Variants in MCC observed in about 807,000 individuals in gnomAD.
MCC encodes the protein colorectal mutant cancer protein.
MCC carries 90 observed loss-of-function variants against 116.2 expected under a neutral mutation model. The observed-to-expected ratio is 0.77, with a 90% CI of 0.65 to 0.92. MCC has a LOEUF of 0.92. MCC is among the 40% of genes least tolerant of loss of function. The pLI is 0.00. For missense variants in MCC, 1,516 were observed against 1,312.2 expected (o/e 1.16, Z -2.40); for synonymous variants, 578 against 510.5 (o/e 1.13, Z -1.78).
Position 113,434,968 on chromosome 5 carries a change from C to T in MCC, c.171-49756G>A, listed in dbSNP as rs1487131454. 4 of 1,167,660 alleles carry T rather than the reference C, an allele frequency of 3.4e-6. No individual in the cohort carries two copies. The highest frequency in any genetic ancestry group is 1.6e-5 in the South Asian group (1 of 61,668). The allele number at this position is 1,167,660 out of a possible 1,614,324, so 72.3% of individuals were successfully genotyped here. A position where few individuals can be genotyped will look rare whatever the true frequency, so the allele number is the denominator to read the frequency against. On this transcript the variant is annotated intron_variant, in intron 1 of 18. Coordinates refer to ENST00000408903, the MANE Select transcript of MCC (RefSeq NM_001085377.2). The surrounding 1 kb of genome is among the most constrained non-coding windows in gnomAD (Gnocchi z 4.2). ...TGGCCAGGCCTGCTGTTCCTGCCTC[C>T]TAGAGGCCAAGACTCTGGAGTGGAA... is the stretch of plus-strand genomic sequence containing the variant.
chr5:113,447,896 G>C (rs185709308), intron 1 of MCC, among the ~76,000 whole-genome samples: 1 of 152,046 alleles, frequency 6.6e-6, no homozygotes, highest in African/African-American at 2.4e-5. Flanking sequence ...CTCATTCTTG[G>C]GCAGTCACTG....
intron 1 of MCC, among the ~76,000 whole-genome samples, chr5:113,405,642 A>G (rs980197396): frequency 3.3e-5 from 5 of 151,324 alleles, no homozygotes; most frequent in Admixed American, 3.3e-4. Flanking sequence ...GATCTCTACA[A>G]TTTTCTTTTT....
chr5:113,197,764 A>G (rs1375679731), intron 3 of MCC, among the ~76,000 whole-genome samples: 2 of 152,226 alleles, frequency 1.3e-5, no homozygotes, highest in Non-Finnish European at 2.9e-5. Context: ...GAAGAAAAGG[A>G]GGCAGGGCAT....
At chr5:113,059,749 G>A (rs1410331570) in intron 14 of MCC, among the ~76,000 whole-genome samples, 1 of 152,238 alleles carries the variant, frequency 6.6e-6, no homozygotes, top group Non-Finnish European at 1.5e-5. Flanking sequence ...CTCTGCATCT[G>A]TTCATTGCCA....
chr5:113,084,171 A>T lies in MCC; in HGVS notation c.1565T>A (p.Leu522Gln), dbSNP rs771594991. The part of the protein sequence containing the change: ...PIAKIAERVK[L>Q]SKTRSESSSS... ...TGACGATTCGGACCTTGTCTTTGAT[A>T]GCTTCACCCTCTCAGCAATCTTAAA... The change falls in exon 10 of 19, where the codon CTA becomes CAA. Residue 522 changes from leucine to glutamine, a missense_variant. Coordinates refer to ENST00000408903, the MANE Select transcript of MCC (RefSeq NM_001085377.2). The T allele has an allele frequency of 6.2e-7, 1 of 1,614,156 alleles. No individual in the cohort carries two copies. The highest frequency in any genetic ancestry group is 1.1e-5 in the South Asian group (1 of 91,084).
chr5:113,344,613 G>A (rs1017424294), intron 2 of MCC, among the ~76,000 whole-genome samples: 1 of 151,844 alleles, frequency 6.6e-6, no homozygotes, highest in African/African-American at 2.4e-5. Flanking sequence ...TAACAGGACA[G>A]GGCACCAGGC....
At chr5:113,115,097 T>G (rs1238411532) in intron 6 of MCC, among the ~76,000 whole-genome samples, 1 of 151,972 alleles carries the variant, frequency 6.6e-6, no homozygotes, top group African/African-American at 2.4e-5. Context: ...TCACAGATCC[T>G]CCCCCCTGAG....
rs184250768 is a variant in MCC, at chr5:113,188,251, G to C, written c.628-36829C>G. Among the ~76,000 whole-genome samples the C allele has an allele frequency of 4.1e-4, 62 of 152,242 alleles. 2 individuals carry two copies. The highest frequency in any genetic ancestry group is 1.2e-3 in the African/African-American group (50 of 41,536). On this transcript the variant is annotated intron_variant, in intron 3 of 18. Transcript: ENST00000408903. ...TACAAATTCATCACAACCATGATTGGATACTGTCAAGCTTCACAAAAAGAC... is the reference window on the plus strand; with the variant it reads ...TACAAATTCATCACAACCATGATTGCATACTGTCAAGCTTCACAAAAAGAC...
intron 3 of MCC, among the ~76,000 whole-genome samples, chr5:113,250,197 G>A (rs1015494472): frequency 6.6e-6 from 1 of 152,188 alleles, no homozygotes; most frequent in East Asian, 1.9e-4. Flanking sequence ...AGGGCACTCT[G>A]TCATTATCTC....
chr5:113,258,129 A>G (rs576997799), intron 3 of MCC, among the ~76,000 whole-genome samples: 1 of 152,330 alleles, frequency 6.6e-6, no homozygotes, highest in East Asian at 1.9e-4. Context: ...CAGTGAGCAC[A>G]TTGCAAGGGG....
In MCC at chr5:113,372,021, C is replaced by T. The variant is rs192453219; in HGVS notation, c.415+12947G>A. 7.9e-5 allele frequency among the ~76,000 whole-genome samples: 12 copies of T among 152,300 alleles called. No individual in the cohort carries two copies. In the East Asian group the frequency reaches 2.3e-3, roughly 29 times the overall value. On this transcript the variant is annotated intron_variant, in intron 2 of 18. Coordinates refer to ENST00000408903, the MANE Select transcript of MCC (RefSeq NM_001085377.2). ...GCCACAGAAATTGGAATGGCTTCAA[C>T]ATCCCATAAAAACAATGACACTTAA...
At chr5:113,077,658 T>C (rs564763560) in intron 11 of MCC, among the ~76,000 whole-genome samples, 2 of 152,106 alleles carry the variant, frequency 1.3e-5, no homozygotes, top group Admixed American at 1.3e-4. Context: ...TTTAAAGCAG[T>C]GTGTAGAGGG....
At chr5:113,337,894 A>G (rs915423014) in intron 3 of MCC, among the ~76,000 whole-genome samples, 5 of 152,216 alleles carry the variant, frequency 3.3e-5, no homozygotes, top group Admixed American at 3.3e-4. Context: ...ATCGGGCTCT[A>G]CAGACCCTTC....
At chr5:113,469,234 G>A (rs1772008269) in intron 1 of MCC, among the ~76,000 whole-genome samples, 1 of 152,086 alleles carries the variant, frequency 6.6e-6, no homozygotes, top group South Asian at 2.1e-4. Flanking sequence ...GCTTTTGAAT[G>A]TGTTTGCTCT....
At chr5:113,045,144 A>T (rs1751986655) in intron 16 of MCC, among the ~76,000 whole-genome samples, 1 of 152,192 alleles carries the variant, frequency 6.6e-6, no homozygotes, top group South Asian at 2.1e-4. Context: ...ATTTGATGTT[A>T]ACATTTCGTG....
intron 1 of MCC, among the ~76,000 whole-genome samples, chr5:113,466,769 A>C (rs1234654702): frequency 6.6e-6 from 1 of 152,136 alleles, no homozygotes; most frequent in Non-Finnish European, 1.5e-5. Context: ...ACTGACTTCC[A>C]CAATGGTTGA....
At chr5:113,486,629 G>T (rs1040434228) in intron 1 of MCC, among the ~76,000 whole-genome samples, 19 of 152,062 alleles carry the variant, frequency 1.2e-4, no homozygotes, top group Non-Finnish European at 2.4e-4. Flanking sequence ...GGATCACTTA[G>T]GGTCAGGAAT....
intron 3 of MCC, among the ~76,000 whole-genome samples, chr5:113,319,303 T>C (rs928785952): frequency 6.6e-6 from 1 of 152,230 alleles, no homozygotes; most frequent in African/African-American, 2.4e-5. Flanking sequence ...CTTTTCCTTG[T>C]AAAGAGAGCT....
intron 1 of MCC, among the ~76,000 whole-genome samples, chr5:113,426,810 C>G (rs929648517): frequency 1.3e-5 from 2 of 152,168 alleles, no homozygotes; most frequent in South Asian, 4.1e-4. Flanking sequence ...TAATTGGAAA[C>G]TAAAACTTCT....
Sources: gnomAD v4.1 joint callset for allele counts (sites outside exome capture counted in the v4.1 genomes callset) on GRCh38, gnomAD v4.1.1 for gene constraint, Gnocchi (gnomAD v3.1) non-coding constraint, MANE v1.5 for transcripts, NCBI Gene and HGNC (gene_info 2026-07-23, HGNC 2026-07-21) for gene names.